RBFOX1: variants seen among roughly 807,000 people sequenced by gnomAD.
RBFOX1 encodes RNA binding protein fox-1 homolog 1.
RBFOX1 carries 8 observed loss-of-function variants against 57.7 expected under a neutral mutation model. That is an observed-to-expected ratio of 0.14 (90% CI 0.08 to 0.25). The LOEUF is 0.25. RBFOX1 is among the 10% of genes least tolerant of loss of function. The pLI is 1.00. For synonymous variants in RBFOX1, 326 were observed against 222.4 expected, an observed-to-expected ratio of 1.47 and a Z score of -4.15; for missense variants, 611 against 548.5, an observed-to-expected ratio of 1.11 and a Z score of -1.14.
chr16:7,575,258 C>G (rs945582710), intron 5 of RBFOX1, among the ~76,000 whole-genome samples: 1 of 152,034 alleles, frequency 6.6e-6, no homozygotes, highest in African/African-American at 2.4e-5. Flanking sequence ...CCTCACCCTC[C>G]CAAGTAGCTG....
At chr16:6,672,527 A>C (rs1422879360) in intron 3 of RBFOX1, among the ~76,000 whole-genome samples, 1 of 151,652 alleles carries the variant, frequency 6.6e-6, no homozygotes, top group Non-Finnish European at 1.5e-5. Context: ...GAGAAAAAAG[A>C]AAAGAAAGAA....
At chr16:6,086,224 T>C (rs1236262777) in intron 1 of RBFOX1, among the ~76,000 whole-genome samples, 2 of 152,172 alleles carry the variant, frequency 1.3e-5, no homozygotes, top group Non-Finnish European at 2.9e-5. Context: ...GACAAGCACA[T>C]GCATTGGGTT....
chr16:7,155,712 A>C (rs1458500502), intron 4 of RBFOX1, among the ~76,000 whole-genome samples: 5 of 77,420 alleles, frequency 6.5e-5, no homozygotes, highest in Non-Finnish European at 1.2e-4. Context: ...AAAAAAAAAA[A>C]ATATATATAT....
rs776667884 is a variant in RBFOX1 at position 6,700,867 on chromosome 16, T to G, written c.-16+46217T>G. 8.5e-5 allele frequency among the ~76,000 whole-genome samples: 13 copies of G among 152,196 alleles called. 1 individual carries two copies. In the South Asian group the frequency reaches 2.1e-3, roughly 24 times the overall value. ...AATGAAAACTTGCACTAGGAGTGTT[T>G]TTAATGCTCCAAATATCCTCTTTAC... On this transcript the variant is annotated intron_variant, in intron 3 of 15. Coordinates refer to ENST00000550418, the MANE Select transcript of RBFOX1 (RefSeq NM_018723.4).
intron 3 of RBFOX1, among the ~76,000 whole-genome samples, chr16:6,710,154 G>T (rs12597080): frequency 2.0e-5 from 3 of 152,160 alleles, no homozygotes; most frequent in African/African-American, 7.2e-5. Flanking sequence ...AATCCAAGCC[G>T]TGTGTCTCTA....
At chr16:5,582,426 G>A (rs922609230) in intron 2 of RBFOX1, among the ~76,000 whole-genome samples, 7 of 152,254 alleles carry the variant, frequency 4.6e-5, no homozygotes, top group East Asian at 1.9e-4. Flanking sequence ...TGGAACTGAG[G>A]TGCAAGTACA....
At chr16:7,539,870 C>T (rs912014732) in intron 5 of RBFOX1, among the ~76,000 whole-genome samples, 2 of 152,190 alleles carry the variant, frequency 1.3e-5, no homozygotes, top group African/African-American at 4.8e-5. Context: ...AAGATAACTC[C>T]GTCCCCATAC....
chr16:6,492,479 G>C (rs893326248), intron 2 of RBFOX1, among the ~76,000 whole-genome samples: 1 of 152,168 alleles, frequency 6.6e-6, no homozygotes, highest in East Asian at 1.9e-4. Context: ...TGAGGCAGGA[G>C]AATCGCTTGA....
intron 3 of RBFOX1, among the ~76,000 whole-genome samples, chr16:6,898,166 G>A (rs908677821): frequency 7.2e-5 from 11 of 152,120 alleles, no homozygotes; most frequent in African/African-American, 1.2e-4. Flanking sequence ...AATTGAGGTC[G>A]TAGCCAACGG....
chr16:6,871,911 C>G (rs894397920), intron 3 of RBFOX1, among the ~76,000 whole-genome samples: 39 of 129,652 alleles, frequency 3.0e-4, no homozygotes, highest in East Asian at 1.2e-3. Context: ...GGGAGAGAGT[C>G]TGTGTGTGTG....
intron 4 of RBFOX1, among the ~76,000 whole-genome samples, chr16:7,224,688 T>C (rs2092978804): frequency 6.6e-6 from 1 of 152,206 alleles, no homozygotes; most frequent in Non-Finnish European, 1.5e-5. Context: ...AAGTGATATT[T>C]GGGGAGAGCA....
At chr16:5,789,422 T>C (rs1439780370) in intron 3 of RBFOX1, among the ~76,000 whole-genome samples, 2 of 152,102 alleles carry the variant, frequency 1.3e-5, no homozygotes, top group African/African-American at 4.8e-5. Flanking sequence ...CATATTTGTG[T>C]ATATTTATAT....
At chr16:5,991,285 A>G (rs2060390404) in intron 4 of RBFOX1, among the ~76,000 whole-genome samples, 1 of 152,194 alleles carries the variant, frequency 6.6e-6, no homozygotes, top group African/African-American at 2.4e-5. Context: ...GTGGAAGCCC[A>G]TGATTTTAAT....
intron 4 of RBFOX1, among the ~76,000 whole-genome samples, chr16:7,262,427 A>G (rs529582642): frequency 2.6e-5 from 4 of 152,322 alleles, no homozygotes; most frequent in African/African-American, 7.2e-5. Flanking sequence ...AAAAATTGCA[A>G]TAAGTGAAAG....
chr16:6,588,017 G>T (rs1387794789), intron 2 of RBFOX1, among the ~76,000 whole-genome samples: 1 of 151,964 alleles, frequency 6.6e-6, no homozygotes, highest in Non-Finnish European at 1.5e-5. Context: ...ATCACCTGAG[G>T]TCAGGAGTTT....
At chr16:7,563,107 G>A (rs2090810122) in intron 5 of RBFOX1, among the ~76,000 whole-genome samples, 1 of 152,088 alleles carries the variant, frequency 6.6e-6, no homozygotes, top group Non-Finnish European at 1.5e-5. Flanking sequence ...CCGTAAGATG[G>A]GCACAATATT....
chr16:5,399,685 A>G (rs1339520796), intron 1 of RBFOX1, among the ~76,000 whole-genome samples: 1 of 151,878 alleles, frequency 6.6e-6, no homozygotes, highest in African/African-American at 2.4e-5. Context: ...GCAGTGACCC[A>G]TGCTTGCATC....
chr16:6,105,612 T>G (rs932662778), intron 1 of RBFOX1, among the ~76,000 whole-genome samples: 1 of 152,068 alleles, frequency 6.6e-6, no homozygotes, highest in Non-Finnish European at 1.5e-5. Flanking sequence ...CCTTTTATTT[T>G]ATTTTATTTT....
chr16:6,952,384 C>T lies in RBFOX1; in HGVS notation c.-15-99673C>T, dbSNP rs187574443. ...TAAACTTGTTGGGCATGGTGGTTCA[C>T]ACCTGTAATCCCAGCACTTTGTGAG... On this transcript the variant is annotated intron_variant, in intron 3 of 15. Coordinates refer to ENST00000550418, the MANE Select transcript of RBFOX1 (RefSeq NM_018723.4). Among the ~76,000 whole-genome samples, 39 of 152,282 alleles carry T rather than the reference C, an allele frequency of 2.6e-4. 1 individual carries two copies. In the East Asian group the frequency reaches 6.0e-3, roughly 23 times the overall value.
Sources: allele counts gnomAD v4.1 joint callset (sites outside exome capture counted in the v4.1 genomes callset), GRCh38; gene constraint gnomAD v4.1.1; transcripts MANE v1.5; gene names NCBI Gene and HGNC (gene_info 2026-07-23, HGNC 2026-07-21).